The following SPSB4 variants were observed in gnomAD, a reference collection of about 807,000 sequenced individuals.
SPSB4 encodes the protein splA/ryanodine receptor domain and SOCS box containing 4.
SPSB4 carries 21 observed loss-of-function variants against 20.9 expected under a neutral mutation model. That is an observed-to-expected ratio of 1.01 (90% CI 0.71 to 1.45). The LOEUF (loss-of-function observed/expected upper bound fraction) is 1.45. Ranked by LOEUF, SPSB4 falls within the 40% of genes most tolerant of loss-of-function variation. SPSB4 has a pLI of 0.00. For missense variants in SPSB4, 399 were observed against 399.2 expected, an observed-to-expected ratio of 1.00 and a Z score of 0.00; for synonymous variants, 207 against 183.8, an observed-to-expected ratio of 1.13 and a Z score of -1.02.
chr3:141,105,866 G>T (rs550128448), intron 2 of SPSB4, among the ~76,000 whole-genome samples: 1 of 152,262 alleles, frequency 6.6e-6, no homozygotes, highest in Admixed American at 6.5e-5. Context: ...CTGGTAAACT[G>T]CTTATTATCT....
chr3:141,076,172 GT>G (rs1938105681), intron 2 of SPSB4, among the ~76,000 whole-genome samples: 1 of 152,218 alleles, frequency 6.6e-6, no homozygotes, highest in South Asian at 2.1e-4. Flanking sequence ...TCAGCCTGGG[GT>G]TACCGAGCCT....
intron 2 of SPSB4, chr3:141,132,283 T>C (rs1330385524): frequency 2.6e-6 from 1 of 383,784 alleles, no homozygotes; most frequent in Admixed American, 3.4e-5. Context: ...TTCTTCTGCC[T>C]CAGCTTCCCG....
At chr3:141,053,007 G>A (rs540441923) in intron 1 of SPSB4, among the ~76,000 whole-genome samples, 1 of 152,290 alleles carries the variant, frequency 6.6e-6, no homozygotes, top group East Asian at 1.9e-4. Context: ...GCGAGAAGGT[G>A]GAGAGTTCTC....
At chr3:141,125,861 A>G (rs1047784298) in intron 2 of SPSB4, among the ~76,000 whole-genome samples, 2 of 152,200 alleles carry the variant, frequency 1.3e-5, no homozygotes, top group African/African-American at 4.8e-5. Flanking sequence ...TTACTATAGA[A>G]ATATCATTCT....
intron 2 of SPSB4, among the ~76,000 whole-genome samples, chr3:141,082,281 C>A (rs1017188303): frequency 1.3e-5 from 2 of 152,200 alleles, no homozygotes; most frequent in Non-Finnish European, 2.9e-5. Context: ...GGGAGTGCGC[C>A]TGGCAGGAGG....
At chr3:141,075,159 G>A (rs1350313123) in intron 2 of SPSB4, among the ~76,000 whole-genome samples, 1 of 115,930 alleles carries the variant, frequency 8.6e-6, no homozygotes. Flanking sequence ...ACAGCTGTGG[G>A]AGGATGTAGG....
intron 2 of SPSB4, among the ~76,000 whole-genome samples, chr3:141,122,726 C>T (rs1228828203): frequency 2.0e-5 from 3 of 152,218 alleles, no homozygotes; most frequent in East Asian, 3.8e-4. Flanking sequence ...AGCAAGGCTC[C>T]GTGGGCGTGG....
intron 2 of SPSB4, among the ~76,000 whole-genome samples, chr3:141,114,508 A>G (rs1576535805): frequency 1.3e-5 from 2 of 152,348 alleles, no homozygotes; most frequent in East Asian, 3.9e-4. Context: ...CTGTGAAGTA[A>G]CATGGGAAAA....
intron 1 of SPSB4, among the ~76,000 whole-genome samples, chr3:141,060,728 A>G (rs1045502781): frequency 6.6e-6 from 1 of 152,244 alleles, no homozygotes; most frequent in African/African-American, 2.4e-5. Flanking sequence ...AAACCAGTTT[A>G]TATCCACTTT....
chr3:141,078,415 G>A (rs1481001718), intron 2 of SPSB4, among the ~76,000 whole-genome samples: 1 of 152,188 alleles, frequency 6.6e-6, no homozygotes, highest in Non-Finnish European at 1.5e-5. Flanking sequence ...GGAGTGCAAG[G>A]TCCTTAGGGG....
At chr3:141,058,866 C>A (rs1407483953) in intron 1 of SPSB4, among the ~76,000 whole-genome samples, 1 of 152,130 alleles carries the variant, frequency 6.6e-6, no homozygotes, top group Admixed American at 6.5e-5. Context: ...GGCTTCATGT[C>A]CCCATATCCT....
chr3:141,057,901 T>C (rs1260970064), intron 1 of SPSB4, among the ~76,000 whole-genome samples: 1 of 152,220 alleles, frequency 6.6e-6, no homozygotes, highest in East Asian at 1.9e-4. Context: ...ATTATTCAGA[T>C]CTCTCGTGGA....
chr3:141,101,794 T>G (rs956934285), intron 2 of SPSB4, among the ~76,000 whole-genome samples: 2 of 152,238 alleles, frequency 1.3e-5, no homozygotes, highest in African/African-American at 4.8e-5. Context: ...GATGCACCGA[T>G]AACGTGTTGC....
intron 1 of SPSB4, among the ~76,000 whole-genome samples, chr3:141,056,015 A>G (rs1021004351): frequency 1.3e-5 from 2 of 152,154 alleles, no homozygotes; most frequent in African/African-American, 4.8e-5. Flanking sequence ...ATGGAGAGAG[A>G]GAGTGAAAAG....
At position 141,140,093 on chromosome 3, in the gene SPSB4, A is replaced by G. The variant is rs552651268; in HGVS notation, c.695-7049A>G. On this transcript the variant is annotated intron_variant, in intron 2 of 2. Transcript: ENST00000310546. ...CTTCATTTCATTCATTTCATCTTCC[A>G]TCGCTGATACCCTTTCTTCCAGTTG... Among the ~76,000 whole-genome samples, 8 of 151,936 alleles carry G rather than the reference A, an allele frequency of 5.3e-5. No individual in the cohort carries two copies. The South Asian group carries it at 1.7e-3, about 32-fold the overall frequency.
intron 2 of SPSB4, among the ~76,000 whole-genome samples, chr3:141,135,275 T>C (rs1939207205): frequency 6.6e-6 from 1 of 151,922 alleles, no homozygotes; most frequent in Non-Finnish European, 1.5e-5. Context: ...TTGCATTGTA[T>C]TAATATACCG....
At chr3:141,100,211 G>T (rs1026462115) in intron 2 of SPSB4, among the ~76,000 whole-genome samples, 3 of 152,064 alleles carry the variant, frequency 2.0e-5, no homozygotes, top group African/African-American at 7.2e-5. Context: ...AGTTGATTGT[G>T]TCCCCCACAA....
At chr3:141,116,100 G>C (rs138246947) in intron 2 of SPSB4, among the ~76,000 whole-genome samples, 1 of 152,186 alleles carries the variant, frequency 6.6e-6, no homozygotes, top group African/African-American at 2.4e-5. Context: ...AGTAGAGGAA[G>C]TTTGCTCAAG....
chr3:141,130,342 G>A (rs1018052207), intron 2 of SPSB4, among the ~76,000 whole-genome samples: 3 of 152,168 alleles, frequency 2.0e-5, no homozygotes, highest in African/African-American at 7.2e-5. Flanking sequence ...AGTCTCAGGG[G>A]CATGAAAGCA....
Sources: allele counts gnomAD v4.1 joint callset (sites outside exome capture counted in the v4.1 genomes callset), GRCh38; gene constraint gnomAD v4.1.1; transcripts MANE v1.5; gene names NCBI Gene and HGNC (gene_info 2026-07-23, HGNC 2026-07-21).